The following PHF3 variants were observed in gnomAD, a reference collection of about 807,000 sequenced individuals.
The protein encoded by PHF3 is PHD finger protein 3.
In PHF3, 41 loss-of-function variants were observed where a neutral mutation model predicts 178.4. That is an observed-to-expected ratio of 0.23 (90% CI 0.18 to 0.30). PHF3 has a LOEUF of 0.30. Ranked by LOEUF, PHF3 falls within the 10% of genes least tolerant of loss-of-function variation. PHF3 has a pLI of 1.00. For synonymous variants in PHF3, 842 were observed against 800.5 expected, an observed-to-expected ratio of 1.05 and a Z score of -0.88; for missense variants, 2,346 against 2,398.1, an observed-to-expected ratio of 0.98 and a Z score of 0.45.
chr6:63,639,832 A>G (rs927652877), intron 1 of PHF3, among the ~76,000 whole-genome samples: 2 of 152,216 alleles, frequency 1.3e-5, no homozygotes, highest in Non-Finnish European at 2.9e-5. Context: ...CCTAGGCCAT[A>G]GTTTTAATGA....
At chr6:63,638,113 A>G (rs2149532085) in intron 1 of PHF3, among the ~76,000 whole-genome samples, 1 of 152,294 alleles carries the variant, frequency 6.6e-6, no homozygotes, top group East Asian at 1.9e-4. Flanking sequence ...GGTCAGATGC[A>G]CATTTCAAGA....
At position 63,684,677 on chromosome 6, in the gene PHF3, G is replaced by A; in HGVS notation, c.955G>A (p.Glu319Lys). The A allele has an allele frequency of 1.2e-6, 2 of 1,613,746 alleles. No individual in the cohort carries two copies. The highest frequency in any genetic ancestry group is 8.5e-7 in the Non-Finnish European group (1 of 1,179,878). ...AGAAATGATAGCAACAAGAAAAGTT[G>A]AACAAGATTCAAAGGAGACAGTAAA... ...VEEMIATRKV[E>K]QDSKETVKLS... Residue 319 changes from glutamate to lysine, a missense_variant, in exon 4 of 16, where the codon GAA becomes AAA. Transcript: ENST00000262043.
At position 63,717,205 on chromosome 6, in the gene PHF3, G is replaced by A. The variant is rs1768217929; in HGVS notation, c.*3497G>A. 6.6e-6 allele frequency among the ~76,000 whole-genome samples: 1 copy of A among 152,028 alleles called. No homozygotes were observed. The highest frequency in any genetic ancestry group is 1.5e-5 in the Non-Finnish European group (1 of 67,988). ...TTAACATAAAACTACCCGTCAACAGGTAACTTTACTCTGTTGTTCCTAAGT... is the reference window on the plus strand; with the variant it reads ...TTAACATAAAACTACCCGTCAACAGATAACTTTACTCTGTTGTTCCTAAGT... On this transcript the variant is annotated 3_prime_UTR_variant, in exon 16 of 16. Coordinates refer to ENST00000262043, the MANE Select transcript of PHF3 (RefSeq NM_001370348.2).
chr6:63,642,739 C>T (rs575218713), intron 1 of PHF3, among the ~76,000 whole-genome samples: 1 of 152,014 alleles, frequency 6.6e-6, no homozygotes, highest in African/African-American at 2.4e-5. Flanking sequence ...TTTAGAATGC[C>T]AAATATAGGA....
At chr6:63,700,568 A>G in intron 9 of PHF3, 102 bp downstream of exon 9, 4 of 618,216 alleles carry the variant, frequency 6.5e-6, no homozygotes, top group Non-Finnish European at 1.2e-5. Context: ...CTGCATAATA[A>G]CACAGACTTT....
chr6:63,718,953 A>G lies in PHF3; in HGVS notation c.*5245A>G, dbSNP rs1768272274. On this transcript the variant is annotated 3_prime_UTR_variant, in exon 16 of 16. Coordinates refer to ENST00000262043, the MANE Select transcript of PHF3 (RefSeq NM_001370348.2). Reference sequence around the variant, plus strand: ...GAGTATCTCCAAAGTTAAATGCAATAGTATGGAGCAATACCAGTTTAGGTC... The same window carrying G: ...GAGTATCTCCAAAGTTAAATGCAATGGTATGGAGCAATACCAGTTTAGGTC... Among the ~76,000 whole-genome samples, 1 of 152,052 alleles carries G rather than the reference A, an allele frequency of 6.6e-6. No individual in the cohort carries two copies. Among genetic ancestry groups the G allele is most frequent in the African/African-American group, 2.4e-5 (1 of 41,438 alleles).
In PHF3 at chr6:63,721,053, C is replaced by A. The variant is rs865905817; in HGVS notation, c.*7345C>A. 3 of 1,551,284 alleles carry A rather than the reference C, an allele frequency of 1.9e-6. No individual in the cohort carries two copies. Among genetic ancestry groups the A allele is most frequent in the Non-Finnish European group, 2.6e-6 (3 of 1,146,792 alleles). On this transcript the variant is annotated 3_prime_UTR_variant, in exon 16 of 16. Transcript: ENST00000262043. ...AGCTATTCCCATCCATACAATTAGA[C>A]CTTCTGTTTTAGTGGTACTGAAATT...
intron 2 of PHF3, among the ~76,000 whole-genome samples, chr6:63,678,402 TCTC>T (rs985201411): frequency 3.3e-5 from 5 of 152,186 alleles, no homozygotes; most frequent in Non-Finnish European, 5.9e-5. Flanking sequence ...TAAAGCATAT[TCTC>T]CTCCAAACTT....
At chr6:63,652,977 T>TTTA (rs376711054) in intron 2 of PHF3, among the ~76,000 whole-genome samples, 2 of 151,670 alleles carry the variant, frequency 1.3e-5, no homozygotes, top group Admixed American at 6.6e-5. Context: ...TAACTCCAGC[T>TTTA]TTATTATTAT....
At chr6:63,673,847 A>G (rs909301650) in intron 2 of PHF3, among the ~76,000 whole-genome samples, 3 of 152,284 alleles carry the variant, frequency 2.0e-5, no homozygotes, top group Middle Eastern at 6.8e-3. Flanking sequence ...TTAACTATAA[A>G]GGTAAGGGAG....
At chr6:63,697,964 A>C (rs1280360090) in intron 6 of PHF3, among the ~76,000 whole-genome samples, 1 of 152,198 alleles carries the variant, frequency 6.6e-6, no homozygotes, top group Non-Finnish European at 1.5e-5. Flanking sequence ...ACTTTTTAAA[A>C]GTTAATTAAT....
intron 2 of PHF3, among the ~76,000 whole-genome samples, chr6:63,666,653 A>G (rs544646584): frequency 2.0e-5 from 3 of 152,146 alleles, no homozygotes; most frequent in Middle Eastern, 3.4e-3. Context: ...ACCTAATACA[A>G]TGTAAGTGCT....
intron 2 of PHF3, among the ~76,000 whole-genome samples, chr6:63,667,296 G>C (rs887799276): frequency 6.6e-5 from 10 of 151,970 alleles, no homozygotes; most frequent in African/African-American, 2.4e-5. Context: ...TAGATACCTG[G>C]TTAAGGATAC....
At chr6:63,703,401 A>G (rs1473044787) in intron 10 of PHF3, 135 bp from the exon 11 acceptor site, 20 of 931,326 alleles carry the variant, frequency 2.1e-5, no homozygotes, top group Admixed American at 3.5e-5. Flanking sequence ...AAAAAAAACC[A>G]AAAAACAAAA....
chr6:63,637,723 T>G (rs1764406080), intron 1 of PHF3, among the ~76,000 whole-genome samples: 1 of 152,144 alleles, frequency 6.6e-6, no homozygotes, highest in African/African-American at 2.4e-5. Flanking sequence ...GTGGCAGACT[T>G]TTAGGAGTGA....
At chr6:63,710,598 C>T (rs1220302837) in intron 14 of PHF3, among the ~76,000 whole-genome samples, 3 of 152,132 alleles carry the variant, frequency 2.0e-5, no homozygotes, top group Non-Finnish European at 4.4e-5. Context: ...CAAGAAAATT[C>T]CTAAGCCAAA....
chr6:63,653,673 A>C (rs922227424), intron 2 of PHF3, among the ~76,000 whole-genome samples: 1 of 152,156 alleles, frequency 6.6e-6, no homozygotes, highest in Admixed American at 6.5e-5. Flanking sequence ...TAGGACTGCC[A>C]GTACTGTGTC....
At position 63,722,722 on chromosome 6, in the gene PHF3, C is replaced by G. The variant is rs932325457; in HGVS notation, c.*9014C>G. Reference sequence around the variant, plus strand: ...CAGGGATATTCGGCATTATGCTACACTACTTCTTCCTCCCTCCAGAGTGCC... The same window carrying G: ...CAGGGATATTCGGCATTATGCTACAGTACTTCTTCCTCCCTCCAGAGTGCC... On this transcript the variant is annotated 3_prime_UTR_variant, in exon 16 of 16. Coordinates refer to ENST00000262043, the MANE Select transcript of PHF3 (RefSeq NM_001370348.2). Among the ~76,000 whole-genome samples the G allele has an allele frequency of 6.6e-5, 10 of 152,322 alleles. No individual in the cohort carries two copies. The highest frequency in any genetic ancestry group is 6.5e-4 in the Admixed American group (10 of 15,290).
At chr6:63,708,344 C>T (rs1380627117) in intron 13 of PHF3, among the ~76,000 whole-genome samples, 7 of 151,834 alleles carry the variant, frequency 4.6e-5, no homozygotes, top group Admixed American at 2.6e-4. Context: ...ATTCTTTAAA[C>T]GGAGAGGTAA....
Sources: allele counts gnomAD v4.1 joint callset (sites outside exome capture counted in the v4.1 genomes callset), GRCh38; gene constraint gnomAD v4.1.1; transcripts MANE v1.5; gene names NCBI Gene and HGNC (gene_info 2026-07-23, HGNC 2026-07-21).